The following SNX27 variants were observed in gnomAD, a reference collection of about 807,000 sequenced individuals.
SNX27 encodes the protein sorting nexin-27.
SNX27 carries 22 observed loss-of-function variants against 71.6 expected under a neutral mutation model. That is an observed-to-expected ratio of 0.31 (90% CI 0.22 to 0.44). SNX27 has a LOEUF of 0.44. SNX27 is among the 20% of genes least tolerant of loss of function. The pLI is 1.00. For synonymous variants in SNX27, 269 were observed against 277.2 expected (o/e 0.97, Z 0.29); for missense variants, 531 against 698.6 (o/e 0.76, Z 2.70).
chr1:151,686,681 A>G (rs1671201829), intron 8 of SNX27, among the ~76,000 whole-genome samples: 1 of 152,266 alleles, frequency 6.6e-6, no homozygotes, highest in African/African-American at 2.4e-5. Flanking sequence ...TGGTCAATAC[A>G]TTGAAACTTC....
At chr1:151,614,513 G>A (rs1223344322) in intron 1 of SNX27, 1 of 152,128 alleles carries the variant, frequency 6.6e-6, no homozygotes, top group Admixed American at 6.6e-5. Context: ...AGTAGAGACG[G>A]GTTTCACCAT....
intron 5 of SNX27, among the ~76,000 whole-genome samples, chr1:151,663,060 C>T (rs776717813): frequency 1.3e-5 from 2 of 152,016 alleles, no homozygotes. Context: ...AATAACTACT[C>T]CATAGTCACA....
At chr1:151,675,810 CTTTTTTTTTTTTTTTTTTTTT>C (rs57260474) in intron 7 of SNX27, 18 of 31,464 alleles carry the variant, frequency 5.7e-4, no homozygotes, top group African/African-American at 2.1e-3. Flanking sequence ...TTCTTTCTTT[CTTTTTTTTTTTTTTTTTTTTT>C]TTTTTTTTTT....
chr1:151,683,050 AC>A (rs1287414452), intron 7 of SNX27, among the ~76,000 whole-genome samples: 12 of 152,070 alleles, frequency 7.9e-5, no homozygotes, highest in Admixed American at 7.9e-4. Flanking sequence ...AAACAAAAAA[AC>A]CCCATCAGAT....
chr1:151,612,589 C>T lies in SNX27; in HGVS notation c.311+77C>T, dbSNP rs145470442. 684 of 1,113,088 alleles carry T rather than the reference C, an allele frequency of 6.1e-4. 4 individuals carry two copies. The African/African-American group carries it at 0.01, about 17-fold the overall frequency. The allele number at this position is 1,113,088 out of a possible 1,614,324, so 69.0% of individuals were successfully genotyped here. ...CTGCACTCCTCGCTACCCTTGTCAC[C>T]CCCAGGCCGCACCTCCCCCGAGCTC... On this transcript the variant is annotated intron_variant, in intron 1 of 11. Transcript: ENST00000458013. The surrounding 1 kb of genome is among the most constrained non-coding windows in gnomAD (Gnocchi z 5.2).
intron 1 of SNX27, among the ~76,000 whole-genome samples, chr1:151,622,089 G>C (rs1667701185): frequency 6.6e-6 from 1 of 152,164 alleles, no homozygotes; most frequent in South Asian, 2.1e-4. Flanking sequence ...TGTTGGAATG[G>C]ACTACAGACT....
intron 7 of SNX27, among the ~76,000 whole-genome samples, chr1:151,668,933 A>G (rs1208798015): frequency 2.0e-5 from 3 of 152,184 alleles, no homozygotes; most frequent in Non-Finnish European, 2.9e-5. Context: ...AATATTATAC[A>G]TACATAGAGT....
intron 1 of SNX27, among the ~76,000 whole-genome samples, chr1:151,617,646 C>T (rs1368985693): frequency 6.6e-6 from 1 of 152,182 alleles, no homozygotes; most frequent in East Asian, 1.9e-4. Flanking sequence ...ATTATAAGCT[C>T]ATCAAGGGCA....
intron 6 of SNX27, among the ~76,000 whole-genome samples, chr1:151,667,976 A>G (rs1011707800): frequency 3.9e-5 from 6 of 152,022 alleles, no homozygotes; most frequent in Non-Finnish European, 8.8e-5. Flanking sequence ...TTGTGTTGCT[A>G]TAAAGGAATA....
At chr1:151,646,344 C>T (rs1322487063) in intron 2 of SNX27, among the ~76,000 whole-genome samples, 1 of 151,914 alleles carries the variant, frequency 6.6e-6, no homozygotes, top group Non-Finnish European at 1.5e-5. Flanking sequence ...GACTACTTAC[C>T]TTTAGTATAA....
intron 2 of SNX27, among the ~76,000 whole-genome samples, chr1:151,648,457 T>C (rs1348704512): frequency 6.6e-6 from 1 of 152,160 alleles, no homozygotes; most frequent in African/African-American, 2.4e-5. Context: ...TTTGCTCTTT[T>C]TGCCCAGGCT....
At chr1:151,641,699 T>C (rs1571798337) in intron 2 of SNX27, among the ~76,000 whole-genome samples, 1 of 140,892 alleles carries the variant, frequency 7.1e-6, no homozygotes, top group East Asian at 2.1e-4. Context: ...ATATATCATA[T>C]ATATGATATA....
chr1:151,643,000 G>T (rs993556180), intron 2 of SNX27, among the ~76,000 whole-genome samples: 4 of 151,638 alleles, frequency 2.6e-5, no homozygotes, highest in African/African-American at 4.8e-5. Context: ...TTTCACTCTT[G>T]TTGCCCAGGT....
chr1:151,617,362 TC>T (rs1667468205), intron 1 of SNX27, among the ~76,000 whole-genome samples: 2 of 152,292 alleles, frequency 1.3e-5, no homozygotes, highest in African/African-American at 2.4e-5. Context: ...CACTGCAACC[TC>T]CGCCTCCCGG....
Position 151,683,444 on chromosome 1 carries a change from T to C in SNX27, c.1238T>C (p.Met413Thr), listed in dbSNP as rs2102724392. 1 of 1,612,000 alleles carries C rather than the reference T, an allele frequency of 6.2e-7. No individual in the cohort carries two copies. The highest frequency in any genetic ancestry group is 1.3e-5 in the African/African-American group (1 of 74,990). The change falls in exon 8 of 12, where the codon ATG becomes ACG. Residue 413 changes from methionine (M) to threonine (T), a missense_variant and splice_region_variant. Coordinates refer to ENST00000458013, the MANE Select transcript of SNX27 (RefSeq NM_001330723.2). ...QKLYEQRKMVMYLNMLRTCEG... is the reference protein window; with the variant it reads ...QKLYEQRKMVTYLNMLRTCEG... ...CTATACGAACAAAGAAAAATGGTCA[T>C]GGTAAGTTTATGTCCCCATAATCCC...
In SNX27 at chr1:151,683,342, T is replaced by G; in HGVS notation, c.1150-14T>G. 6.2e-7 allele frequency: 1 copy of G among 1,600,644 alleles called. No individual in the cohort carries two copies. On this transcript the variant is annotated splice_polypyrimidine_tract_variant and intron_variant, in intron 7 of 11. Transcript: ENST00000458013. The stretch of plus-strand genomic sequence containing the variant: ...TTTACACTCCTTTCTGCTCTACTTC[T>G]GTTTTGGTGATAGGCAGTCGATGAT...
chr1:151,663,636 T>C (rs1571841114), intron 5 of SNX27, among the ~76,000 whole-genome samples: 2 of 152,298 alleles, frequency 1.3e-5, no homozygotes, highest in South Asian at 4.1e-4. Flanking sequence ...ATATTTTCTA[T>C]AAATGGAAGT....
At chr1:151,656,009 C>G (rs57720575) in intron 2 of SNX27, among the ~76,000 whole-genome samples, 3,817 of 152,030 alleles carry the variant, frequency 0.025, 153 homozygotes, top group African/African-American at 0.085. Context: ...GGATCACGAG[C>G]TCAAGAGATC....
chr1:151,641,177 A>G (rs1344930263), intron 2 of SNX27, among the ~76,000 whole-genome samples: 3 of 152,186 alleles, frequency 2.0e-5, no homozygotes, highest in Admixed American at 6.5e-5. Flanking sequence ...TATTAAATGT[A>G]CAGGTCTTTA....
Sources: gnomAD v4.1 joint callset for allele counts (sites outside exome capture counted in the v4.1 genomes callset) on GRCh38, gnomAD v4.1.1 for gene constraint, Gnocchi (gnomAD v3.1) non-coding constraint, MANE v1.5 for transcripts, NCBI Gene and HGNC (gene_info 2026-07-23, HGNC 2026-07-21) for gene names.